The following MVB12B variants were observed in gnomAD, a reference collection of about 807,000 sequenced individuals.
The protein encoded by MVB12B is ESCRT-I complex subunit MVB12B.
Under a neutral mutation model 41.6 loss-of-function variants are expected in MVB12B, and 16 were observed. The ratio of observed to expected loss-of-function variants is 0.38; its 90% CI spans 0.26 to 0.58. The LOEUF is 0.58. Ranked by LOEUF, MVB12B falls within the 20% of genes least tolerant of loss-of-function variation. The pLI is 0.62. For missense variants in MVB12B, 274 were observed against 380.2 expected (o/e 0.72, Z 2.32); for synonymous variants, 133 against 139.7 (o/e 0.95, Z 0.34).
At chr9:126,499,499 T>C (rs967269966) in intron 9 of MVB12B, among the ~76,000 whole-genome samples, 1 of 152,190 alleles carries the variant, frequency 6.6e-6, no homozygotes, top group Non-Finnish European at 1.5e-5. Flanking sequence ...AGGAGACTAA[T>C]GTCTTGAGTA....
intron 7 of MVB12B, among the ~76,000 whole-genome samples, chr9:126,432,214 C>G (rs564540646): frequency 8.5e-5 from 13 of 152,334 alleles, no homozygotes; most frequent in Non-Finnish European, 1.6e-4. Context: ...CCATTTCCCC[C>G]TGATAATTCC....
chr9:126,359,321 T>G (rs879767213), intron 2 of MVB12B, among the ~76,000 whole-genome samples: 3 of 152,214 alleles, frequency 2.0e-5, no homozygotes, highest in African/African-American at 4.8e-5. Flanking sequence ...AAAATTTTGT[T>G]AAGAAATTTT....
intron 4 of MVB12B, among the ~76,000 whole-genome samples, chr9:126,388,949 C>T (rs1361972630): frequency 6.6e-6 from 1 of 152,170 alleles, no homozygotes; most frequent in African/African-American, 2.4e-5. Context: ...CAGTTGACTT[C>T]GAATGTTTTT....
intron 9 of MVB12B, among the ~76,000 whole-genome samples, chr9:126,492,534 T>C (rs947125980): frequency 6.6e-6 from 1 of 152,170 alleles, no homozygotes; most frequent in Non-Finnish European, 1.5e-5. Flanking sequence ...TGCCCCTCCA[T>C]TTAATTTTTA....
chr9:126,407,906 A>G (rs76042056), intron 6 of MVB12B: 4 of 152,340 alleles, frequency 2.6e-5, no homozygotes, highest in Admixed American at 6.5e-5. Context: ...TGGACCCTGA[A>G]TTGTAAATGA....
intron 8 of MVB12B, 81 bp from the exon 9 acceptor site, chr9:126,483,892 T>A (rs1833579404): frequency 7.0e-7 from 1 of 1,436,368 alleles, no homozygotes; most frequent in Non-Finnish European, 9.8e-7. Flanking sequence ...GCTTGAGGTG[T>A]TACCATTGTC....
In MVB12B at chr9:126,473,971, G is replaced by A. The variant is rs1833374226; in HGVS notation, c.758-7398G>A. On this transcript the variant is annotated intron_variant, in intron 7 of 9. Coordinates refer to ENST00000361171, the MANE Select transcript of MVB12B (RefSeq NM_033446.3). This position sits in a 1 kb window ranked among gnomAD's most constrained non-coding sequence, Gnocchi z 4.0. Reference sequence around the variant, plus strand: ...CTTCTTTACCTCCCAGGTTTGTTGGGGGTGGGGGGCTTTGTCATGGCACAC... The same window carrying A: ...CTTCTTTACCTCCCAGGTTTGTTGGAGGTGGGGGGCTTTGTCATGGCACAC... Among the ~76,000 whole-genome samples the A allele has an allele frequency of 6.6e-6, 1 of 152,158 alleles. No homozygotes were observed. The highest frequency in any genetic ancestry group is 1.5e-5 in the Non-Finnish European group (1 of 68,026).
At chr9:126,442,944 G>C (rs966616188) in intron 7 of MVB12B, among the ~76,000 whole-genome samples, 2 of 152,190 alleles carry the variant, frequency 1.3e-5, no homozygotes, top group Non-Finnish European at 2.9e-5. Context: ...TAAAATGTGA[G>C]TGTGTGCTGT....
intron 6 of MVB12B, among the ~76,000 whole-genome samples, chr9:126,399,154 T>A (rs1564309982): frequency 6.6e-6 from 1 of 152,030 alleles, no homozygotes; most frequent in South Asian, 2.1e-4. Context: ...ATCCAGTGAG[T>A]TGGTGGCTAA....
intron 2 of MVB12B, among the ~76,000 whole-genome samples, chr9:126,372,472 C>A (rs1830366615): frequency 6.6e-6 from 1 of 152,218 alleles, no homozygotes; most frequent in South Asian, 2.1e-4. Context: ...AGTGGCTGCA[C>A]CCTGTTACAA....
chr9:126,492,082 G>A (rs568822536), intron 9 of MVB12B, among the ~76,000 whole-genome samples: 1 of 149,074 alleles, frequency 6.7e-6, no homozygotes, highest in East Asian at 2.0e-4. Context: ...ACATGTAAAA[G>A]GTGAACCTCC....
intron 2 of MVB12B, among the ~76,000 whole-genome samples, chr9:126,358,186 T>G (rs1013262405): frequency 3.3e-5 from 5 of 152,216 alleles, no homozygotes; most frequent in African/African-American, 1.2e-4. Context: ...AGTCTGCCTG[T>G]ATGCCAAACC....
At chr9:126,476,793 C>T (rs550855511) in intron 7 of MVB12B, among the ~76,000 whole-genome samples, 64 of 144,886 alleles carry the variant, frequency 4.4e-4, no homozygotes, top group Middle Eastern at 3.8e-3. Flanking sequence ...AGGAGAATGA[C>T]GTGAACCCAG....
At chr9:126,492,250 T>A (rs1057176318) in intron 9 of MVB12B, among the ~76,000 whole-genome samples, 9 of 149,976 alleles carry the variant, frequency 6.0e-5, no homozygotes, top group African/African-American at 9.9e-5. Context: ...TTTTAATGAC[T>A]ATATGTTGTT....
rs538408565 is a variant in MVB12B, at chr9:126,498,744, G to GA, written c.874-4431dup. Among the ~76,000 whole-genome samples, 644 of 152,380 alleles carry GA rather than the reference G, an allele frequency of 4.2e-3. 5 individuals are homozygous for GA. The highest frequency in any genetic ancestry group is 0.015 in the African/African-American group (612 of 41,598). On this transcript the variant is annotated intron_variant, in intron 9 of 9. Transcript: ENST00000361171. ...CTTCTCTGCAAAGCTCGGGTGCTGG[G>GA]AACAGCCCCTTACTGCCTTTTCTCG...
chr9:126,454,788 G>GT (rs56075883), intron 7 of MVB12B, among the ~76,000 whole-genome samples: 4,293 of 146,916 alleles, frequency 0.029, 180 homozygotes, highest in African/African-American at 0.097. Context: ...CCATAATTGA[G>GT]TTTTTTTTTT....
At chr9:126,496,182 T>TGTC (rs1833825316) in intron 9 of MVB12B, among the ~76,000 whole-genome samples, 1 of 146,040 alleles carries the variant, frequency 6.8e-6, no homozygotes. Context: ...ACCATCGACT[T>TGTC]GTCCACCCAC....
rs1204208004 is a variant in MVB12B, at chr9:126,398,766, C to CAGAT, written c.662+3069_662+3070insAGAT. Among the ~76,000 whole-genome samples the CAGAT allele has an allele frequency of 2.7e-3, 417 of 152,308 alleles. 1 individual carries two copies. The highest frequency in any genetic ancestry group is 9.7e-3 in the African/African-American group (402 of 41,552). ...CCCTGGCCCAGGCCAGCCAGGAGGA[C>CAGAT]CTAGGAAGCGGTGGGTCACAGATCT... On this transcript the variant is annotated intron_variant, in intron 6 of 9. Coordinates refer to ENST00000361171, the MANE Select transcript of MVB12B (RefSeq NM_033446.3).
At chr9:126,458,832 TTA>T (rs1833036317) in intron 7 of MVB12B, among the ~76,000 whole-genome samples, 1 of 152,182 alleles carries the variant, frequency 6.6e-6, no homozygotes, top group Non-Finnish European at 1.5e-5. Flanking sequence ...CCAGCACAAG[TTA>T]GAAATACTGT....
Sources: gnomAD v4.1 joint callset for allele counts (sites outside exome capture counted in the v4.1 genomes callset) on GRCh38, gnomAD v4.1.1 for gene constraint, Gnocchi (gnomAD v3.1) non-coding constraint, MANE v1.5 for transcripts, NCBI Gene and HGNC (gene_info 2026-07-23, HGNC 2026-07-21) for gene names.